The following COL23A1 variants were observed in gnomAD, a reference collection of about 807,000 sequenced individuals.
COL23A1 encodes collagen alpha-1(XXIII) chain.
A neutral mutation model predicts 99.3 loss-of-function variants in COL23A1; 97 were observed. That is an observed-to-expected ratio of 0.98 (90% CI 0.83 to 1.16). The LOEUF (loss-of-function observed/expected upper bound fraction) is 1.16, where lower values mean the gene tolerates loss of function less well. COL23A1 is among the 50% of genes most tolerant of loss of function. The pLI, the probability that COL23A1 is intolerant of heterozygous loss-of-function variation, is 0.00. For missense variants in COL23A1, 762 were observed against 757.4 expected, an observed-to-expected ratio of 1.01 and a Z score of -0.07; for synonymous variants, 320 against 308.2, an observed-to-expected ratio of 1.04 and a Z score of -0.40.
rs577496055 is a variant in COL23A1, at chr5:178,387,939, G to GA, written c.362-81021dup. On this transcript the variant is annotated intron_variant, in intron 2 of 28. Transcript: ENST00000390654. The surrounding 1 kb of genome is among the most constrained non-coding windows in gnomAD (Gnocchi z 4.7). ...TGGTGGCACTGCAAGAACTGCCAGT[G>GA]AAGGACAGAAATGGGCAAGTGGGAG... Among the ~76,000 whole-genome samples the GA allele has an allele frequency of 4.1e-4, 63 of 152,296 alleles. 3 individuals carry two copies. In the South Asian group the frequency reaches 0.013, roughly 32 times the overall value.
At chr5:178,330,229 A>G (rs575147350) in intron 2 of COL23A1, among the ~76,000 whole-genome samples, 1 of 152,184 alleles carries the variant, frequency 6.6e-6, no homozygotes, top group Admixed American at 6.5e-5. Context: ...GGCTCAACTC[A>G]CACACGCACT....
At chr5:178,445,130 A>G (rs1561978342) in intron 2 of COL23A1, among the ~76,000 whole-genome samples, 1 of 152,258 alleles carries the variant, frequency 6.6e-6, no homozygotes, top group Non-Finnish European at 1.5e-5. Flanking sequence ...TATTTATTCT[A>G]GGATTGCAAG....
rs1379043612 is a variant in COL23A1 at position 178,306,569 on chromosome 5, C to T, written c.406+306G>A. Among the ~76,000 whole-genome samples the T allele has an allele frequency of 2.0e-5, 3 of 149,620 alleles. No individual in the cohort carries two copies. The highest frequency in any genetic ancestry group is 4.4e-5 in the Non-Finnish European group (3 of 67,542). ...GAGGGTGTGGCTGGCGGAGTCATCA[C>T]CTTCTGCCTCAGAGAGAGGGGGCTG... is the stretch of plus-strand genomic sequence containing the variant. On this transcript the variant is annotated intron_variant, in intron 3 of 28. Coordinates refer to ENST00000390654, the MANE Select transcript of COL23A1 (RefSeq NM_173465.4). This position sits in a 1 kb window ranked among gnomAD's most constrained non-coding sequence, Gnocchi z 4.1.
chr5:178,470,502 G>T (rs924098282), intron 2 of COL23A1, among the ~76,000 whole-genome samples: 2 of 152,140 alleles, frequency 1.3e-5, no homozygotes, highest in Non-Finnish European at 2.9e-5. Flanking sequence ...ACGGCAAGCC[G>T]TCAGTGTCGA....
intron 2 of COL23A1, among the ~76,000 whole-genome samples, chr5:178,362,342 A>G (rs1395498704): frequency 6.6e-6 from 1 of 151,852 alleles, no homozygotes; most frequent in Non-Finnish European, 1.5e-5. Context: ...GTCCCACTGA[A>G]CCATGGACAG....
At chr5:178,418,813 G>T (rs980128720) in intron 2 of COL23A1, among the ~76,000 whole-genome samples, 1 of 152,326 alleles carries the variant, frequency 6.6e-6, no homozygotes, top group Non-Finnish European at 1.5e-5. Context: ...TGGTTGTTAC[G>T]CCTGCACAGT....
chr5:178,505,250 C>T (rs539413477), intron 2 of COL23A1, among the ~76,000 whole-genome samples: 1 of 126,674 alleles, frequency 7.9e-6, no homozygotes, highest in Admixed American at 9.0e-5. Context: ...CTAAATTTCC[C>T]TTTTTCTTTT....
At chr5:178,511,449 A>T (rs1453967494) in intron 2 of COL23A1, among the ~76,000 whole-genome samples, 1 of 152,174 alleles carries the variant, frequency 6.6e-6, no homozygotes. Flanking sequence ...TCTTTCCCCA[A>T]TCCCTGCTAA....
chr5:178,519,104 A>C (rs1376655388), intron 2 of COL23A1, among the ~76,000 whole-genome samples: 6 of 151,962 alleles, frequency 3.9e-5, no homozygotes, highest in Non-Finnish European at 8.8e-5. Flanking sequence ...CACCGACCCC[A>C]GCCCGCGGCG....
chr5:178,331,556 G>A (rs987316067), intron 2 of COL23A1, among the ~76,000 whole-genome samples: 1 of 152,262 alleles, frequency 6.6e-6, no homozygotes. Context: ...GGAATCCGCG[G>A]CCCTCGGGGC....
At chr5:178,573,981 C>T (rs1763229091) in intron 1 of COL23A1, among the ~76,000 whole-genome samples, 2 of 152,118 alleles carry the variant, frequency 1.3e-5, no homozygotes, top group Admixed American at 1.3e-4. Flanking sequence ...GCCTCAGCCT[C>T]CTGAGTAGCT....
At chr5:178,482,764 T>C (rs554347936) in intron 2 of COL23A1, among the ~76,000 whole-genome samples, 1 of 152,042 alleles carries the variant, frequency 6.6e-6, no homozygotes, top group African/African-American at 2.4e-5. Flanking sequence ...CGGCCGGGCG[T>C]GGTGGCGGGT....
rs373539839 is a variant in COL23A1 at position 178,589,853 on chromosome 5, C to T, written c.294+51G>A. ...CCCCCGGCTCCCAGCGTACCGCCAC[C>T]CTCAACCCGACACACCCAAGTCCGC... On this transcript the variant is annotated intron_variant, in intron 1 of 28. Transcript: ENST00000390654. The surrounding 1 kb of genome is among the most constrained non-coding windows in gnomAD (Gnocchi z 5.4). The T allele has an allele frequency of 6.9e-3, 8,681 of 1,258,536 alleles. 36 individuals carry two copies. Among genetic ancestry groups the T allele is most frequent in the Non-Finnish European group, 7.7e-3 (7,741 of 1,002,562 alleles). 78.0% of individuals were successfully genotyped at this position (1,258,536 alleles called of 1,614,324 possible). A position where few individuals can be genotyped will look rare whatever the true frequency, so the allele number is the denominator to read the frequency against.
At chr5:178,263,130 G>T in intron 9 of COL23A1, 78 bp downstream of exon 9, 1 of 1,022,576 alleles carries the variant, frequency 9.8e-7, no homozygotes, top group Non-Finnish European at 1.6e-6. Flanking sequence ...GATGGGGATG[G>T]GGATGGGGCT....
chr5:178,438,206 AAC>A (rs987876011), intron 2 of COL23A1, among the ~76,000 whole-genome samples: 14 of 152,230 alleles, frequency 9.2e-5, no homozygotes, highest in African/African-American at 2.4e-4. Context: ...GGCACTTGGT[AAC>A]ACAGTCCAAC....
chr5:178,403,341 C>G (rs1206414637), intron 2 of COL23A1, among the ~76,000 whole-genome samples: 1 of 152,148 alleles, frequency 6.6e-6, no homozygotes. Flanking sequence ...CAGACCTGAC[C>G]CAGGAGTTCT....
intron 2 of COL23A1, among the ~76,000 whole-genome samples, chr5:178,407,541 C>CT (rs1404563778): frequency 6.6e-6 from 1 of 152,162 alleles, no homozygotes; most frequent in African/African-American, 2.4e-5. Context: ...CTGGCACAGA[C>CT]TCGAAAACAG....
intron 16 of COL23A1, among the ~76,000 whole-genome samples, chr5:178,253,075 A>G (rs1765117678): frequency 6.6e-6 from 1 of 151,980 alleles, no homozygotes; most frequent in South Asian, 2.1e-4. Flanking sequence ...GGAGTTCCTT[A>G]GTCTCGCAGG....
intron 2 of COL23A1, chr5:178,344,856 C>A: frequency 2.7e-6 from 2 of 748,710 alleles, no homozygotes; most frequent in East Asian, 4.0e-5. Context: ...GCGGGGCGAT[C>A]TGTGTCTGGC....
Sources: gnomAD v4.1 joint callset for allele counts (sites outside exome capture counted in the v4.1 genomes callset) on GRCh38, gnomAD v4.1.1 for gene constraint, Gnocchi (gnomAD v3.1) non-coding constraint, MANE v1.5 for transcripts, NCBI Gene and HGNC (gene_info 2026-07-23, HGNC 2026-07-21) for gene names.